CNTNAP2: variants seen among roughly 807,000 people sequenced by gnomAD.
CNTNAP2 encodes the protein contactin-associated protein-like 2.
Under a neutral mutation model 155.2 loss-of-function variants are expected in CNTNAP2, and 98 were observed. The ratio of observed to expected loss-of-function variants is 0.63; its 90% confidence interval spans 0.54 to 0.75. The LOEUF is 0.75. Ranked by LOEUF, CNTNAP2 falls within the 30% of genes least tolerant of loss-of-function variation. The probability of loss-of-function intolerance (pLI) is 0.00; values close to 1 mark genes in which losing one functional copy is unlikely to be tolerated. For synonymous variants in CNTNAP2, 651 were observed against 631.2 expected (o/e 1.03, Z -0.47); for missense variants, 1,727 against 1,688.1 (o/e 1.02, Z -0.40).
chr7:146,667,567 T>C (rs1456233918), intron 1 of CNTNAP2, among the ~76,000 whole-genome samples: 3 of 152,096 alleles, frequency 2.0e-5, no homozygotes, highest in African/African-American at 7.2e-5. Context: ...TTCGATAGTA[T>C]GGCCATTTTA....
intron 2 of CNTNAP2, among the ~76,000 whole-genome samples, chr7:146,835,615 A>T (rs1803601824): frequency 6.6e-6 from 1 of 152,166 alleles, no homozygotes; most frequent in Non-Finnish European, 1.5e-5. Context: ...AATAACATAT[A>T]AAAAACACAC....
At chr7:146,932,367 C>T (rs1274976995) in intron 3 of CNTNAP2, among the ~76,000 whole-genome samples, 1 of 151,744 alleles carries the variant, frequency 6.6e-6, no homozygotes. Flanking sequence ...GCAGAAAAGG[C>T]CTTTGACAAA....
At chr7:148,159,182 A>G (rs1290352221) in intron 17 of CNTNAP2, among the ~76,000 whole-genome samples, 1 of 152,074 alleles carries the variant, frequency 6.6e-6, no homozygotes, top group Non-Finnish European at 1.5e-5. Flanking sequence ...TCTTCCTTTC[A>G]TGGTCCTATT....
intron 14 of CNTNAP2, among the ~76,000 whole-genome samples, chr7:147,915,759 GTGAA>G (rs1220182664): frequency 2.0e-5 from 3 of 151,432 alleles, no homozygotes; most frequent in African/African-American, 7.3e-5. Context: ...GCGGGCGGGG[GTGAA>G]GAAGAAGAAA....
At position 146,861,664 on chromosome 7, in the gene CNTNAP2, G is replaced by C. The variant is rs997304337; in HGVS notation, c.402+21760G>C. The stretch of plus-strand genomic sequence containing the variant: ...TATCATTATAAAAAATCAGCATTCA[G>C]TGAGATAGGTCTACAAACATAAACT... On this transcript the variant is annotated intron_variant, in intron 3 of 23. Coordinates refer to ENST00000361727, the MANE Select transcript of CNTNAP2 (RefSeq NM_014141.6). Among the ~76,000 whole-genome samples the C allele has an allele frequency of 3.9e-5, 6 of 152,064 alleles. No homozygotes were observed. The East Asian group carries it at 1.2e-3, about 29-fold the overall frequency.
intron 1 of CNTNAP2, among the ~76,000 whole-genome samples, chr7:146,127,096 C>A (rs113298929): frequency 0.015 from 2,316 of 152,234 alleles, 52 homozygotes; most frequent in African/African-American, 0.052. Context: ...ACATTTGCAC[C>A]CTATAATCTA....
At chr7:147,425,578 C>T (rs570250336) in intron 10 of CNTNAP2, among the ~76,000 whole-genome samples, 4 of 152,220 alleles carry the variant, frequency 2.6e-5, no homozygotes, top group African/African-American at 9.6e-5. Context: ...TTGCTCTCCA[C>T]CCCATTGTCA....
At chr7:147,948,205 A>G (rs1240615553) in intron 14 of CNTNAP2, among the ~76,000 whole-genome samples, 1 of 149,410 alleles carries the variant, frequency 6.7e-6, no homozygotes, top group Non-Finnish European at 1.5e-5. Context: ...GTTAATGAGT[A>G]GAAAAAAATA....
intron 14 of CNTNAP2, among the ~76,000 whole-genome samples, chr7:147,975,666 T>C (rs1801416285): frequency 6.6e-6 from 1 of 152,190 alleles, no homozygotes; most frequent in South Asian, 2.1e-4. Flanking sequence ...TATTATTAAT[T>C]AAATTTATTT....
intron 11 of CNTNAP2, among the ~76,000 whole-genome samples, chr7:147,553,405 A>G (rs990570075): frequency 6.6e-6 from 1 of 152,174 alleles, no homozygotes; most frequent in Non-Finnish European, 1.5e-5. Flanking sequence ...GCAACCTCCT[A>G]TTCATCCTAT....
chr7:146,520,566 A>G (rs928429106), intron 1 of CNTNAP2, among the ~76,000 whole-genome samples: 1 of 151,718 alleles, frequency 6.6e-6, no homozygotes, highest in Non-Finnish European at 1.5e-5. Context: ...AACAATTTCT[A>G]TAATGCAACT....
chr7:146,125,046 C>G (rs1022074084), intron 1 of CNTNAP2, among the ~76,000 whole-genome samples: 1 of 152,062 alleles, frequency 6.6e-6, no homozygotes, highest in East Asian at 1.9e-4. Flanking sequence ...GGTTAATGTC[C>G]TCATCCCTAA....
At chr7:147,321,557 C>T (rs545838443) in intron 9 of CNTNAP2, among the ~76,000 whole-genome samples, 5 of 152,270 alleles carry the variant, frequency 3.3e-5, no homozygotes, top group African/African-American at 1.2e-4. Flanking sequence ...TCATCTCAGC[C>T]TTTAGGCTGG....
At chr7:146,914,707 T>G (rs1196101578) in intron 3 of CNTNAP2, among the ~76,000 whole-genome samples, 1 of 152,118 alleles carries the variant, frequency 6.6e-6, no homozygotes, top group Non-Finnish European at 1.5e-5. Flanking sequence ...GTTCTTTGTC[T>G]GATTTATAGA....
intron 21 of CNTNAP2, among the ~76,000 whole-genome samples, chr7:148,331,613 G>A (rs1415534564): frequency 1.6e-4 from 10 of 63,154 alleles, no homozygotes; most frequent in Middle Eastern, 6.8e-3. Flanking sequence ...TGGAATGGAC[G>A]GATGGAGTCG....
chr7:147,868,988 A>G (rs899139891), intron 13 of CNTNAP2, among the ~76,000 whole-genome samples: 3 of 152,194 alleles, frequency 2.0e-5, no homozygotes, highest in African/African-American at 7.2e-5. Flanking sequence ...CCACTGTCCA[A>G]TCAGTCCCAG....
At chr7:147,632,346 C>T (rs1281067189) in intron 12 of CNTNAP2, among the ~76,000 whole-genome samples, 2 of 152,050 alleles carry the variant, frequency 1.3e-5, no homozygotes, top group Non-Finnish European at 2.9e-5. Flanking sequence ...TCCCATGATC[C>T]CCAACCCAGT....
chr7:147,077,101 T>C, intron 4 of CNTNAP2, among the ~76,000 whole-genome samples: 1 of 152,208 alleles, frequency 6.6e-6, no homozygotes, highest in East Asian at 1.9e-4. Flanking sequence ...CTAATTTTAA[T>C]CTGAGAAAAT....
At chr7:148,241,054 C>T (rs985456601) in intron 20 of CNTNAP2, among the ~76,000 whole-genome samples, 1 of 152,212 alleles carries the variant, frequency 6.6e-6, no homozygotes, top group African/African-American at 2.4e-5. Flanking sequence ...AGGAACAATA[C>T]TTTGCATCCT....
Sources: allele counts gnomAD v4.1 joint callset (sites outside exome capture counted in the v4.1 genomes callset), GRCh38; gene constraint gnomAD v4.1.1; transcripts MANE v1.5; gene names NCBI Gene and HGNC (gene_info 2026-07-23, HGNC 2026-07-21).